SNTG2: variants seen among roughly 807,000 people sequenced by gnomAD.
The protein encoded by SNTG2 is syntrophin gamma 2.
Under a neutral mutation model 70.9 loss-of-function variants are expected in SNTG2, and 74 were observed. The observed-to-expected ratio is 1.04, with a 90% CI of 0.86 to 1.27. The LOEUF (loss-of-function observed/expected upper bound fraction) is 1.27, where lower values mean the gene tolerates loss of function less well. Ranked by LOEUF, SNTG2 falls within the 50% of genes most tolerant of loss-of-function variation. The pLI is 0.00. For missense variants in SNTG2, 717 were observed against 690.7 expected, an observed-to-expected ratio of 1.04 and a Z score of -0.43; for synonymous variants, 278 against 273.8, an observed-to-expected ratio of 1.02 and a Z score of -0.15.
intron 16 of SNTG2, among the ~76,000 whole-genome samples, chr2:1,338,047 G>T (rs1276898834): frequency 6.6e-6 from 1 of 152,128 alleles, no homozygotes; most frequent in Non-Finnish European, 1.5e-5. Context: ...GTGCTCTCTG[G>T]TGTATTCCAT....
chr2:1,086,547 T>A (rs373998344), intron 2 of SNTG2, among the ~76,000 whole-genome samples: 4 of 152,168 alleles, frequency 2.6e-5, no homozygotes, highest in African/African-American at 9.7e-5. Flanking sequence ...AGTTTAATGT[T>A]TCAGATTTGG....
chr2:1,154,312 G>T (rs1669713426), intron 6 of SNTG2, among the ~76,000 whole-genome samples: 1 of 152,204 alleles, frequency 6.6e-6, no homozygotes, highest in Non-Finnish European at 1.5e-5. Flanking sequence ...CTTCCCGGAG[G>T]GTCCAGTTGT....
intron 1 of SNTG2, among the ~76,000 whole-genome samples, chr2:1,049,595 G>A (rs1314836174): frequency 6.6e-6 from 1 of 152,204 alleles, no homozygotes; most frequent in Non-Finnish European, 1.5e-5. Context: ...GAATAAAGCT[G>A]CTATAAACAT....
chr2:1,183,645 T>C (rs575767031), intron 8 of SNTG2, among the ~76,000 whole-genome samples: 2 of 152,190 alleles, frequency 1.3e-5, no homozygotes, highest in Non-Finnish European at 2.9e-5. Flanking sequence ...GTCTGGACAT[T>C]TTATTTTTAT....
At chr2:1,212,230 A>G (rs1000438546) in intron 9 of SNTG2, among the ~76,000 whole-genome samples, 1 of 152,048 alleles carries the variant, frequency 6.6e-6, no homozygotes, top group Non-Finnish European at 1.5e-5. Context: ...GGTTCTCCTG[A>G]TATCTGGTCA....
At chr2:979,406 G>C (rs1486245525) in intron 1 of SNTG2, among the ~76,000 whole-genome samples, 1 of 152,204 alleles carries the variant, frequency 6.6e-6, no homozygotes. Context: ...GGCCTCATAG[G>C]CATCCCCGGA....
At chr2:1,030,401 C>T (rs1660749274) in intron 1 of SNTG2, among the ~76,000 whole-genome samples, 1 of 152,096 alleles carries the variant, frequency 6.6e-6, no homozygotes, top group Admixed American at 6.5e-5. Flanking sequence ...AAAAAAAGGG[C>T]AAGGGACACA....
At chr2:1,150,221 C>G (rs146677607) in intron 6 of SNTG2, among the ~76,000 whole-genome samples, 1 of 152,276 alleles carries the variant, frequency 6.6e-6, no homozygotes, top group East Asian at 1.9e-4. Flanking sequence ...TCTCATAGTT[C>G]TAGTGTTCTA....
chr2:1,166,257 G>A (rs1005840606), intron 7 of SNTG2, among the ~76,000 whole-genome samples: 6 of 152,240 alleles, frequency 3.9e-5, no homozygotes, highest in East Asian at 3.9e-4. Flanking sequence ...GTGGGTAATC[G>A]GGAAAGGCCT....
At chr2:1,171,133 T>G (rs1671098516) in intron 7 of SNTG2, among the ~76,000 whole-genome samples, 1 of 152,192 alleles carries the variant, frequency 6.6e-6, no homozygotes, top group South Asian at 2.1e-4. Flanking sequence ...CATTAAGAAT[T>G]CTTGATATTG....
Position 1,239,748 on chromosome 2 carries a change from C to G in SNTG2, c.860C>G (p.Ala287Gly). 1 of 1,613,356 alleles carries G rather than the reference C, an allele frequency of 6.2e-7. No homozygotes were observed. The highest frequency in any genetic ancestry group is 8.5e-7 in the Non-Finnish European group (1 of 1,179,718). Residue 287 changes from alanine to glycine, a missense_variant, in exon 11 of 17, where the codon GCG becomes GGG. Ala to Gly is a moderately conservative substitution (Grantham distance 60). Coordinates refer to ENST00000308624, the MANE Select transcript of SNTG2 (RefSeq NM_018968.4). ...RELTLQNMKM[A>G]NKCCSPSDQV... The stretch of plus-strand genomic sequence containing the variant: ...GCCTTCTCTCCACAGATGAAGATGG[C>G]GAACAAATGCTGCTCTCCTTCCGAC...
chr2:1,077,313 C>T (rs745607963), intron 1 of SNTG2, among the ~76,000 whole-genome samples: 3 of 152,188 alleles, frequency 2.0e-5, no homozygotes, highest in Non-Finnish European at 2.9e-5. Context: ...CGTCCATGTC[C>T]GCACGTCTTT....
At chr2:1,277,195 G>T (rs1260028203) in intron 14 of SNTG2, among the ~76,000 whole-genome samples, 2 of 152,198 alleles carry the variant, frequency 1.3e-5, no homozygotes, top group Admixed American at 6.5e-5. Context: ...CTTCAATTTT[G>T]AAAGAAGTTC....
chr2:1,000,714 C>T (rs1340866947), intron 1 of SNTG2, among the ~76,000 whole-genome samples: 1 of 151,524 alleles, frequency 6.6e-6, no homozygotes, highest in Non-Finnish European at 1.5e-5. Flanking sequence ...ACCAATCTTA[C>T]TGAAACTATT....
chr2:1,116,195 T>A (rs1275894248), intron 4 of SNTG2, among the ~76,000 whole-genome samples: 3 of 149,072 alleles, frequency 2.0e-5, no homozygotes, highest in African/African-American at 7.3e-5. Flanking sequence ...TCACGGGTTT[T>A]AGGGCTTTCT....
intron 1 of SNTG2, among the ~76,000 whole-genome samples, chr2:1,062,066 TAG>T (rs1156534338): frequency 2.0e-5 from 3 of 152,050 alleles, no homozygotes; most frequent in African/African-American, 7.2e-5. Flanking sequence ...ATGAGTGTAA[TAG>T]AGGAGAGAAA....
At chr2:1,096,606 C>T (rs766132603) in intron 2 of SNTG2, among the ~76,000 whole-genome samples, 2 of 152,332 alleles carry the variant, frequency 1.3e-5, no homozygotes, top group East Asian at 1.9e-4. Context: ...TTATTCGACT[C>T]GGCACAGTGT....
intron 1 of SNTG2, among the ~76,000 whole-genome samples, chr2:997,910 A>T (rs898455516): frequency 2.6e-5 from 4 of 152,192 alleles, no homozygotes; most frequent in Admixed American, 2.0e-4. Context: ...CTGTTGACAC[A>T]AGCGAACAGC....
chr2:1,089,656 T>A (rs892417370), intron 2 of SNTG2, among the ~76,000 whole-genome samples: 1 of 152,166 alleles, frequency 6.6e-6, no homozygotes, highest in Non-Finnish European at 1.5e-5. Flanking sequence ...AATAATAGTT[T>A]ACATATGTTT....
Sources: allele counts gnomAD v4.1 joint callset (sites outside exome capture counted in the v4.1 genomes callset), GRCh38; gene constraint gnomAD v4.1.1; transcripts MANE v1.5; gene names NCBI Gene and HGNC (gene_info 2026-07-23, HGNC 2026-07-21).